Variants in TBX3 observed in about 807,000 individuals in gnomAD.
The protein encoded by TBX3 is T-box transcription factor 3.
A neutral mutation model predicts 47.8 loss-of-function variants in TBX3; 11 were observed. The observed-to-expected ratio is 0.23, with a 90% CI of 0.14 to 0.38. The LOEUF (loss-of-function observed/expected upper bound fraction) is 0.38. Among genes scored for constraint, TBX3 ranks in the 10% least tolerant of loss-of-function variants. The pLI, the probability that TBX3 is intolerant of heterozygous loss-of-function variation, is 1.00. For synonymous variants in TBX3, 500 were observed against 449.3 expected (o/e 1.11, Z -1.43); for missense variants, 927 against 1,022.8 (o/e 0.91, Z 1.28).
chr12:114,674,665 C>T lies in TBX3; in HGVS notation c.1210G>A (p.Asp404Asn), dbSNP rs745622492. Residue 404 changes from aspartate to asparagine, a missense_variant, in exon 6 of 7, where the codon GAC (aspartate) becomes AAC (asparagine). Asp to Asn is a conservative substitution (Grantham distance 23, BLOSUM62 1). Coordinates refer to ENST00000349155, the MANE Select transcript of TBX3 (RefSeq NM_005996.4). ...GACGCTTTGTCCAGCCGCCCGCTGT[C>T]CCGGGGCCGCTCAGCAGCGAAAAGG... The part of the protein sequence containing the change: ...AHLFAAERPR[D>N]SGRLDKASPD... The T allele has an allele frequency of 6.2e-7, 1 of 1,607,622 alleles. No individual in the cohort carries two copies. Among genetic ancestry groups the T allele is most frequent in the Non-Finnish European group, 8.5e-7 (1 of 1,179,188 alleles).
Position 114,674,574 on chromosome 12 carries a change from C to T in TBX3, c.1301G>A (p.Arg434His), listed in dbSNP as rs758811184. The T allele has an allele frequency of 3.2e-5, 51 of 1,578,500 alleles. No individual in the cohort carries two copies. The Admixed American group carries it at 3.7e-4, about 12-fold the overall frequency. The change falls in exon 6 of 7, where the codon CGC becomes CAC. Residue 434 changes from arginine (R) to histidine (H), a missense_variant. This residue lies in a region of TBX3 where 623 missense variants were observed against 569.0 expected (regional missense o/e 1.09). Coordinates refer to ENST00000349155, the MANE Select transcript of TBX3 (RefSeq NM_005996.4). ...TGTGCCCTCGCGAACCGGGCTCCTG[C>T]GCTCCTCCGCGCCCAGGCCGCGAGT... ...SSTRGLGAEE[R>H]RSPVREGTAP...
chr12:114,677,796 T>A, intron 3 of TBX3, 140 bp from the exon 4 acceptor site: 1 of 771,134 alleles, frequency 1.3e-6, no homozygotes, highest in South Asian at 1.6e-5. Flanking sequence ...AAGGAGATAA[T>A]AAGGAAACTG....
In TBX3 at chr12:114,674,613, G is replaced by T; in HGVS notation, c.1262C>A (p.Thr421Asn). The change falls in exon 6 of 7, where the codon ACC (threonine) becomes AAC (asparagine). Residue 421 changes from threonine to asparagine, a missense_variant. Thr to Asn is a moderately conservative substitution (Grantham distance 65, BLOSUM62 0). Transcript: ENST00000349155. ...ASPDSRHSPATISSSTRGLGA... is the reference protein window; with the variant it reads ...ASPDSRHSPANISSSTRGLGA... ...CAGGCCGCGAGTGCTGGACGAGATG[G>T]TGGCGGGGCTATGGCGTGAGTCGGG... The T allele has an allele frequency of 6.2e-7, 1 of 1,602,482 alleles. No individual in the cohort carries two copies. Among genetic ancestry groups the T allele is most frequent in the Non-Finnish European group, 8.5e-7 (1 of 1,176,018 alleles).
Position 114,674,610 on chromosome 12 carries a change from A to G in TBX3, c.1265T>C (p.Ile422Thr). 1 of 1,601,626 alleles carries G rather than the reference A, an allele frequency of 6.2e-7. No homozygotes were observed. The highest frequency in any genetic ancestry group is 8.5e-7 in the Non-Finnish European group (1 of 1,175,548). Residue 422 changes from isoleucine to threonine, a missense_variant, in exon 6 of 7, where the codon ATC becomes ACC. Physicochemically the swap from Ile to Thr is moderately conservative, Grantham distance 89. Around this residue, in one of 5 missense-constraint regions of TBX3, gnomAD observed 623 missense variants for 569.0 expected, o/e 1.09. Transcript: ENST00000349155. ...SPDSRHSPATISSSTRGLGAE... is the reference protein window; with the variant it reads ...SPDSRHSPATTSSSTRGLGAE... ...GCCCAGGCCGCGAGTGCTGGACGAG[A>G]TGGTGGCGGGGCTATGGCGTGAGTC...
rs763331884 is a variant in TBX3 at position 114,682,985 on chromosome 12, G to A, written c.216C>T (p.Ala72=). 44 of 1,613,920 alleles carry A rather than the reference G, an allele frequency of 2.7e-5. No homozygotes were observed. In the Admixed American group the frequency reaches 6.7e-4, roughly 24 times the overall value. The change falls in exon 1 of 7, where the codon GCC becomes GCT. Residue 72 remains alanine (A), a synonymous_variant. Coordinates refer to ENST00000349155, the MANE Select transcript of TBX3 (RefSeq NM_005996.4). ...GGGAGGAGAACGGGATGCCGGTCTC[G>A]GCCGCCCCCACCAATTGATCCATGA... ...KPIMDQLVGA[A]ETGIPFSSLG...
At position 114,682,797 on chromosome 12, in the gene TBX3, G is replaced by C. The variant is rs377427742; in HGVS notation, c.389+15C>G. 1.2e-6 allele frequency: 2 copies of C among 1,614,040 alleles called. No individual in the cohort carries two copies. On this transcript the variant is annotated intron_variant, in intron 1 of 6. Coordinates refer to ENST00000349155, the MANE Select transcript of TBX3 (RefSeq NM_005996.4). Reference sequence around the variant, plus strand: ...ACTCTCCAACAGCTTAGGGGAGGAGGCCCCCACTGCTTACCTTCCCGACTT... The same window carrying C: ...ACTCTCCAACAGCTTAGGGGAGGAGCCCCCCACTGCTTACCTTCCCGACTT...
rs1263505115 is a variant in TBX3, at chr12:114,674,211, G to A, written c.1664C>T (p.Ala555Val). The change falls in exon 6 of 7, where the codon GCG becomes GTG. Residue 555 changes from alanine to valine, a missense_variant. Transcript: ENST00000349155. ...AAAQGLSGAS[A>V]ATLPFHLQQH... ...CTGGAGGTGGAAGGGCAGGGTGGCC[G>A]CGGACGCCCCGGACAGTCCCTGCGC... The A allele has an allele frequency of 1.9e-6, 3 of 1,580,480 alleles. No homozygotes were observed. The highest frequency in any genetic ancestry group is 2.6e-6 in the Non-Finnish European group (3 of 1,164,766).
chr12:114,682,479 A>AG (rs1868975727), intron 1 of TBX3, among the ~76,000 whole-genome samples: 1 of 152,114 alleles, frequency 6.6e-6, no homozygotes, highest in South Asian at 2.1e-4. Flanking sequence ...AGGATGTTCC[A>AG]GGAGGGTTTG....
chr12:114,679,631 G>A lies in TBX3; in HGVS notation c.678C>T (p.His226=). The change falls in exon 3 of 7, where the codon CAC becomes CAT. Residue 226 remains histidine (H), a synonymous_variant. Transcript: ENST00000349155. The stretch of plus-strand genomic sequence containing the variant: ...CAATGTGGAACCGGGGCTGGTATTT[G>A]TGCATGGAGTTCAATATAGTCTGCA... The part of the protein sequence containing the change: ...KHGFTILNSM[H]KYQPRFHIVR... 1 of 1,614,146 alleles carries A rather than the reference G, an allele frequency of 6.2e-7. No homozygotes were observed. The highest frequency in any genetic ancestry group is 8.5e-7 in the Non-Finnish European group (1 of 1,180,010).
At chr12:114,676,573 C>G in intron 4 of TBX3, 103 bp from the exon 5 acceptor site, 2 of 1,467,014 alleles carry the variant, frequency 1.4e-6, no homozygotes, top group Admixed American at 3.4e-5. Flanking sequence ...TCACACCCTG[C>G]CTGCTGCCCA....
At chr12:114,679,863 C>A in intron 2 of TBX3, 1 of 1,603,710 alleles carries the variant, frequency 6.2e-7, no homozygotes, top group Non-Finnish European at 8.5e-7. Context: ...CAAAGGGCCC[C>A]CCCCACCCTC....
At position 114,676,162 on chromosome 12, in the gene TBX3, GC is replaced by G. The variant is rs770518608; in HGVS notation, c.1039+150del. On this transcript the variant is annotated intron_variant, in intron 5 of 6. Coordinates refer to ENST00000349155, the MANE Select transcript of TBX3 (RefSeq NM_005996.4). ...CGGGGAAGGGGAGACACACCTGATAGCCCTTTTTGAACTCTGGCTTCTGTTT... is the reference window on the plus strand; with the variant it reads ...CGGGGAAGGGGAGACACACCTGATAGCCTTTTTGAACTCTGGCTTCTGTTT... 3.8e-5 allele frequency: 36 copies of G among 942,708 alleles called. No individual in the cohort carries two copies. In the East Asian group the frequency reaches 5.4e-4, roughly 14 times the overall value. The allele number at this position is 942,708 out of a possible 1,614,324, so 58.4% of individuals were successfully genotyped here.
Position 114,671,213 on chromosome 12 carries a change from T to C in TBX3, c.*628A>G, listed in dbSNP as rs905585958. 1 of 225,712 alleles carries C rather than the reference T, an allele frequency of 4.4e-6. No homozygotes were observed. Among genetic ancestry groups the C allele is most frequent in the African/African-American group, 2.2e-5 (1 of 44,952 alleles). The allele number at this position is 225,712 out of a possible 1,614,324, so 14.0% of individuals were successfully genotyped here. A position where few individuals can be genotyped will look rare whatever the true frequency, so the allele number is the denominator to read the frequency against. ...AACCACAAATACATTACTGTGGACA[T>C]GCAAGAAGAGACCTACAGCGGCTCT... On this transcript the variant is annotated 3_prime_UTR_variant, in exon 7 of 7. Transcript: ENST00000349155.
rs1031230641 is a variant in TBX3, at chr12:114,684,035, G to A, written c.-835C>T. 22 of 230,862 alleles carry A rather than the reference G, an allele frequency of 9.5e-5. No homozygotes were observed. The highest frequency in any genetic ancestry group is 5.7e-5 in the Admixed American group (1 of 17,624). 14.3% of individuals were successfully genotyped at this position (230,862 alleles called of 1,614,324 possible). A position where few individuals can be genotyped will look rare whatever the true frequency, so the allele number is the denominator to read the frequency against. On this transcript the variant is annotated 5_prime_UTR_variant, in exon 1 of 7. Coordinates refer to ENST00000349155, the MANE Select transcript of TBX3 (RefSeq NM_005996.4). ...GCGCGCAGGGCAGGGAGGATTTAGA[G>A]GGGGAAAAAATGGAACAGAGGGAAA...
At chr12:114,677,344 C>A (rs1242802790) in intron 4 of TBX3, among the ~76,000 whole-genome samples, 1 of 152,182 alleles carries the variant, frequency 6.6e-6, no homozygotes, top group Non-Finnish European at 1.5e-5. Flanking sequence ...ATCCCTGATG[C>A]TTCTCTTCCA....
intron 4 of TBX3, 129 bp from the exon 5 acceptor site, chr12:114,676,599 C>T: frequency 7.9e-7 from 1 of 1,270,602 alleles, no homozygotes; most frequent in Non-Finnish European, 1.1e-6. Context: ...AACGCTAATT[C>T]ACTGAAATCT....
rs746688049 is a variant in TBX3 at position 114,676,591 on chromosome 12, C to T, written c.882-121G>A. 16 of 1,322,908 alleles carry T rather than the reference C, an allele frequency of 1.2e-5. 1 individual carries two copies. Among genetic ancestry groups the T allele is most frequent in the South Asian group, 6.1e-5 (5 of 82,382 alleles). 81.9% of individuals were successfully genotyped at this position (1,322,908 alleles called of 1,614,324 possible). ...CACCCTGCCTGCTGCCCAGGGACAA[C>T]GCTAATTCACTGAAATCTGCTTGCC... On this transcript the variant is annotated intron_variant, in intron 4 of 6. Transcript: ENST00000349155.
Position 114,681,055 on chromosome 12 carries a change from A to G in TBX3, c.481T>C (p.Cys161Arg). ...CGAGAATTGTGAAATTTATAACGAC[A>G]GTCATCAGCAGCTATAATGTCCATC... ...LLMDIIAADD[C>R]RYKFHNSRWM... is the part of the protein sequence containing the mutation. Residue 161 changes from cysteine (C) to arginine (R), a missense_variant, in exon 2 of 7, where the codon TGT (cysteine) becomes CGT (arginine). This residue lies in a region of TBX3 where 216 missense variants were observed against 281.2 expected (regional missense o/e 0.77). Coordinates refer to ENST00000349155, the MANE Select transcript of TBX3 (RefSeq NM_005996.4). The G allele has an allele frequency of 6.2e-7, 1 of 1,614,116 alleles. No homozygotes were observed. The highest frequency in any genetic ancestry group is 2.2e-5 in the East Asian group (1 of 44,876).
At chr12:114,672,436 G>GTTT in intron 6 of TBX3, 134 bp from the exon 7 acceptor site, 4 of 420,998 alleles carry the variant, frequency 9.5e-6, no homozygotes, top group Non-Finnish European at 7.4e-6. Flanking sequence ...TTGTTGTTGT[G>GTTT]TTTTTTTTTT....
Sources: allele counts gnomAD v4.1 joint callset (sites outside exome capture counted in the v4.1 genomes callset), GRCh38; gene constraint gnomAD v4.1.1; regional missense constraint gnomAD v4.1.1; transcripts MANE v1.5; gene names NCBI Gene and HGNC (gene_info 2026-07-23, HGNC 2026-07-21).